Variants in SYNPO2 observed in about 807,000 individuals in gnomAD.
The protein encoded by SYNPO2 is synaptopodin 2.
In SYNPO2, 56 loss-of-function variants were observed where a neutral mutation model predicts 85.0. The observed-to-expected ratio is 0.66, with a 90% CI of 0.53 to 0.82. SYNPO2 has a LOEUF of 0.82. Among genes scored for constraint, SYNPO2 ranks in the 40% least tolerant of loss-of-function variants. The pLI is 0.00. For synonymous variants in SYNPO2, 602 were observed against 591.1 expected, an observed-to-expected ratio of 1.02 and a Z score of -0.27; for missense variants, 1,575 against 1,534.2, an observed-to-expected ratio of 1.03 and a Z score of -0.44.
intron 1 of SYNPO2, among the ~76,000 whole-genome samples, chr4:118,895,092 G>T (rs1028109982): frequency 1.2e-4 from 18 of 152,096 alleles, no homozygotes; most frequent in African/African-American, 4.3e-4. Flanking sequence ...TCCAGTAACT[G>T]CTTTCAACAT....
At chr4:118,875,392 C>A (rs1462340384) in intron 1 of SYNPO2, among the ~76,000 whole-genome samples, 1 of 152,008 alleles carries the variant, frequency 6.6e-6, no homozygotes, top group Non-Finnish European at 1.5e-5. Flanking sequence ...TTTACATTAA[C>A]CTCTAGCATG....
intron 1 of SYNPO2, among the ~76,000 whole-genome samples, chr4:119,012,388 T>A (rs1423830449): frequency 2.3e-5 from 3 of 130,392 alleles, no homozygotes; most frequent in Non-Finnish European, 5.0e-5. Context: ...TTTTTTTTTT[T>A]TTTTTATTTT....
In SYNPO2 at chr4:119,030,834, G is replaced by A. The variant is rs775751999; in HGVS notation, c.2059G>A (p.Ala687Thr). 6 of 1,613,998 alleles carry A rather than the reference G, an allele frequency of 3.7e-6. No individual in the cohort carries two copies. Among genetic ancestry groups the A allele is most frequent in the African/African-American group, 1.3e-5 (1 of 74,906 alleles). Residue 687 changes from alanine (A) to threonine (T), a missense_variant, in exon 4 of 5, where the codon GCC becomes ACC. Around this residue, in one of 3 missense-constraint regions of SYNPO2, gnomAD observed 1,508 missense variants for 1,446.8 expected, o/e 1.04. Transcript: ENST00000307142. ...PAKRTGILQE[A>T]KRRSTTKPMF... ...AAAAAGAACAGGAATATTGCAGGAG[G>A]CCAAAAGGAGAAGCACGACAAAACC...
chr4:118,933,378 G>A lies in SYNPO2; in HGVS notation c.105+44237G>A, dbSNP rs149239284. On this transcript the variant is annotated intron_variant, in intron 1 of 4. Coordinates refer to ENST00000307142, the MANE Select transcript of SYNPO2 (RefSeq NM_133477.3). ...CAGAGGCTACTGATGTGGGGTCTTA[G>A]TCTGCCTCTGGCCCTGGCCAGATGC... Among the ~76,000 whole-genome samples the A allele has an allele frequency of 9.2e-3, 1,398 of 152,290 alleles. 13 individuals carry two copies. The highest frequency in any genetic ancestry group is 0.024 in the Middle Eastern group (7 of 294).
intron 1 of SYNPO2, among the ~76,000 whole-genome samples, chr4:118,902,609 T>G (rs1472485338): frequency 6.6e-6 from 1 of 152,146 alleles, no homozygotes; most frequent in African/African-American, 2.4e-5. Context: ...AAGATGAGAT[T>G]TGGGTGGGGA....
intron 1 of SYNPO2, among the ~76,000 whole-genome samples, chr4:118,990,764 A>G (rs556055595): frequency 8.5e-5 from 13 of 152,084 alleles, no homozygotes; most frequent in Non-Finnish European, 1.6e-4. Flanking sequence ...GCGTGCCACC[A>G]TACCCCACTA....
At chr4:118,997,999 G>C (rs78116325) in intron 1 of SYNPO2, among the ~76,000 whole-genome samples, 1 of 152,142 alleles carries the variant, frequency 6.6e-6, no homozygotes, top group African/African-American at 2.4e-5. Context: ...AGCTTTGGGG[G>C]AATTGAGGAG....
At chr4:118,910,805 A>G (rs1023434777) in intron 1 of SYNPO2, among the ~76,000 whole-genome samples, 2 of 152,148 alleles carry the variant, frequency 1.3e-5, no homozygotes, top group Admixed American at 6.5e-5. Context: ...CTTGTTTCTT[A>G]TTTATGTACC....
In SYNPO2 at chr4:118,874,036, T is replaced by A. The variant is rs116428608; in HGVS notation, c.12+23096T>A. On this transcript the variant is annotated intron_variant, in intron 1 of 4. Coordinates refer to the SYNPO2 transcript ENST00000610556. The stretch of plus-strand genomic sequence containing the variant: ...AGATCAGTCAGCTATAAATATGTAG[T>A]TTTATTTCTGGGTTCTCCATTCTGT... Among the ~76,000 whole-genome samples the A allele has an allele frequency of 6.8e-3, 1,029 of 152,288 alleles. 13 individuals are homozygous for A. The highest frequency in any genetic ancestry group is 0.021 in the African/African-American group (858 of 41,560).
intron 1 of SYNPO2, among the ~76,000 whole-genome samples, chr4:118,956,477 CTT>C (rs1734880107): frequency 6.6e-6 from 1 of 152,310 alleles, no homozygotes; most frequent in South Asian, 2.1e-4. Flanking sequence ...CATAAGTAGA[CTT>C]AACTTTTTTA....
At chr4:118,986,113 C>A (rs1736207551) in intron 1 of SYNPO2, among the ~76,000 whole-genome samples, 1 of 152,182 alleles carries the variant, frequency 6.6e-6, no homozygotes, top group African/African-American at 2.4e-5. Context: ...CCCCAACCCC[C>A]AGCATAAATG....
At chr4:118,936,230 A>G (rs966855447) in intron 1 of SYNPO2, among the ~76,000 whole-genome samples, 1 of 152,138 alleles carries the variant, frequency 6.6e-6, no homozygotes, top group Non-Finnish European at 1.5e-5. Flanking sequence ...TTTGTTTAAG[A>G]ACACTCTCTG....
intron 1 of SYNPO2, among the ~76,000 whole-genome samples, chr4:118,976,992 A>T (rs571694517): frequency 2.8e-4 from 43 of 152,306 alleles, no homozygotes; most frequent in Admixed American, 7.8e-4. Flanking sequence ...CTTCACCTAG[A>T]GGATCCCGCA....
At chr4:118,941,653 C>T (rs1321105320) in intron 1 of SYNPO2, among the ~76,000 whole-genome samples, 2 of 152,178 alleles carry the variant, frequency 1.3e-5, no homozygotes, top group African/African-American at 4.8e-5. Flanking sequence ...GGGATAGGGT[C>T]CCCTTTCTGT....
rs748706041 is a variant in SYNPO2, at chr4:119,030,314, G to A, written c.1539G>A (p.Lys513=). ...DQITAQKEED[K]VGGTPSREQD... ...TCACAGCCCAAAAAGAAGAGGACAA[G>A]GTAGGTGGAACGCCAAGCAGAGAAC... Residue 513 remains lysine (K), a synonymous_variant, in exon 4 of 5, where the codon AAG becomes AAA. Transcript: ENST00000307142. 1.2e-6 allele frequency: 2 copies of A among 1,613,972 alleles called. No homozygotes were observed. Among genetic ancestry groups the A allele is most frequent in the Admixed American group, 1.7e-5 (1 of 59,990 alleles).
intron 1 of SYNPO2, among the ~76,000 whole-genome samples, chr4:118,877,632 A>T (rs773834781): frequency 6.6e-6 from 1 of 152,234 alleles, no homozygotes; most frequent in Non-Finnish European, 1.5e-5. Context: ...CATTACAGAC[A>T]TGCAAATCAG....
Position 118,888,890 on chromosome 4 carries a change from G to T in SYNPO2, c.-147G>T. On this transcript the variant is annotated 5_prime_UTR_variant, in exon 1 of 5. Coordinates refer to ENST00000307142, the MANE Select transcript of SYNPO2 (RefSeq NM_133477.3). ...CAGCAGGCGGCTGGGGCGGCGGCTG[G>T]GGCAGCGGCTGCAGCAGCGGCGGAC... The T allele has an allele frequency of 2.5e-6, 2 of 795,706 alleles. No individual in the cohort carries two copies. The highest frequency in any genetic ancestry group is 1.6e-5 in the South Asian group (1 of 63,894). The allele number at this position is 795,706 out of a possible 1,614,324, so 49.3% of individuals were successfully genotyped here.
At chr4:118,891,864 G>A (rs1474126303) in intron 1 of SYNPO2, among the ~76,000 whole-genome samples, 4 of 152,098 alleles carry the variant, frequency 2.6e-5, no homozygotes, top group Admixed American at 6.5e-5. Flanking sequence ...AGAAAATTTC[G>A]GCGAGTGCTT....
chr4:118,883,127 A>G (rs1732139084), intron 1 of SYNPO2, among the ~76,000 whole-genome samples: 1 of 151,570 alleles, frequency 6.6e-6, no homozygotes, highest in South Asian at 2.1e-4. Context: ...GGACAGGAAG[A>G]CTTAGGCTTG....
Sources: gnomAD v4.1 joint callset for allele counts (sites outside exome capture counted in the v4.1 genomes callset) on GRCh38, gnomAD v4.1.1 for gene constraint, gnomAD v4.1.1 regional missense constraint, MANE v1.5 for transcripts, NCBI Gene and HGNC (gene_info 2026-07-23, HGNC 2026-07-21) for gene names.